The following GRIP1 variants were observed in gnomAD, a reference collection of about 807,000 sequenced individuals.
The protein encoded by GRIP1 is glutamate receptor interacting protein 1, also known as glutamate receptor-interacting protein 1.
A neutral mutation model predicts 129.9 loss-of-function variants in GRIP1; 45 were observed. The observed-to-expected ratio is 0.35, with a 90% CI of 0.27 to 0.44. GRIP1 has a LOEUF of 0.44. Among genes scored for constraint, GRIP1 ranks in the 20% least tolerant of loss-of-function variants. The pLI is 1.00. For missense variants in GRIP1, 1,196 were observed against 1,396.8 expected, an observed-to-expected ratio of 0.86 and a Z score of 2.29; for synonymous variants, 530 against 520.8, an observed-to-expected ratio of 1.02 and a Z score of -0.24.
At chr12:66,897,149 G>A (rs902392345) in intron 1 of GRIP1, among the ~76,000 whole-genome samples, 4 of 152,152 alleles carry the variant, frequency 2.6e-5, no homozygotes, top group Non-Finnish European at 5.9e-5. Context: ...CAGTGTTGTC[G>A]GGAAGATGGC....
At chr12:67,043,695 T>C (rs1688078375) in intron 1 of GRIP1, among the ~76,000 whole-genome samples, 1 of 152,072 alleles carries the variant, frequency 6.6e-6, no homozygotes, top group South Asian at 2.1e-4. Context: ...GCTCTCTCCC[T>C]TATCAGTACT....
At chr12:66,932,601 A>T (rs966509401) in intron 1 of GRIP1, among the ~76,000 whole-genome samples, 5 of 134,546 alleles carry the variant, frequency 3.7e-5, no homozygotes, top group East Asian at 4.0e-4. Context: ...AGGATTATTT[A>T]AAAAAAAAAA....
intron 2 of GRIP1, among the ~76,000 whole-genome samples, chr12:66,551,054 G>C (rs1017111902): frequency 1.3e-5 from 2 of 152,198 alleles, no homozygotes; most frequent in Admixed American, 6.5e-5. Context: ...AAGTAAAACT[G>C]AAGCAATTGG....
chr12:66,995,468 A>G (rs1566110770), intron 1 of GRIP1, among the ~76,000 whole-genome samples: 3 of 152,174 alleles, frequency 2.0e-5, no homozygotes, highest in East Asian at 1.9e-4. Context: ...ACTTATATCT[A>G]GAATGTACAA....
At chr12:66,586,877 T>G (rs890569988) in intron 2 of GRIP1, among the ~76,000 whole-genome samples, 1 of 152,200 alleles carries the variant, frequency 6.6e-6, no homozygotes, top group African/African-American at 2.4e-5. Flanking sequence ...TTTGTCTCCT[T>G]AAAGTCTATT....
At chr12:66,938,941 A>G (rs1253399113) in intron 1 of GRIP1, among the ~76,000 whole-genome samples, 1 of 152,108 alleles carries the variant, frequency 6.6e-6, no homozygotes, top group Non-Finnish European at 1.5e-5. Context: ...TGGGCAATAG[A>G]GCAAGACTGT....
At chr12:67,013,901 C>T (rs552990984) in intron 1 of GRIP1, among the ~76,000 whole-genome samples, 39 of 152,290 alleles carry the variant, frequency 2.6e-4, no homozygotes, top group African/African-American at 8.9e-4. Context: ...CAGGCCTTGG[C>T]GATTGGTTTA....
intron 1 of GRIP1, among the ~76,000 whole-genome samples, chr12:67,033,833 T>G (rs950505436): frequency 2.0e-5 from 3 of 152,216 alleles, no homozygotes; most frequent in African/African-American, 7.2e-5. Context: ...AATTAATATA[T>G]GTAAAAATAT....
intron 1 of GRIP1, among the ~76,000 whole-genome samples, chr12:67,029,927 C>T (rs968304798): frequency 4.6e-5 from 7 of 151,540 alleles, no homozygotes; most frequent in Admixed American, 4.0e-4. Flanking sequence ...CGGCCTGGCG[C>T]GGTGGCTCAC....
At chr12:66,973,321 A>G (rs1013091041) in intron 1 of GRIP1, among the ~76,000 whole-genome samples, 2 of 149,626 alleles carry the variant, frequency 1.3e-5, no homozygotes, top group Admixed American at 1.3e-4. Flanking sequence ...TTTTTCTTTA[A>G]CTTTTTTCTC....
At chr12:66,456,383 C>G (rs991599041) in intron 9 of GRIP1, 41 bp from the exon 10 acceptor site, 2 of 1,188,212 alleles carry the variant, frequency 1.7e-6, no homozygotes, top group Non-Finnish European at 2.2e-6. Context: ...GAAAAACAAA[C>G]GAACAAACAA....
At chr12:66,429,308 C>T (rs1358138892) in intron 14 of GRIP1, among the ~76,000 whole-genome samples, 1 of 152,140 alleles carries the variant, frequency 6.6e-6, no homozygotes, top group Admixed American at 6.5e-5. Flanking sequence ...CCTTGCAGCA[C>T]CTCGGTTTCA....
intron 1 of GRIP1, among the ~76,000 whole-genome samples, chr12:67,016,295 C>T (rs756111699): frequency 5.9e-5 from 9 of 152,088 alleles, no homozygotes; most frequent in African/African-American, 7.2e-5. Context: ...TAAACACACA[C>T]GACAACAGAT....
At chr12:66,609,857 T>C (rs906514508) in intron 1 of GRIP1, among the ~76,000 whole-genome samples, 6 of 152,164 alleles carry the variant, frequency 3.9e-5, no homozygotes, top group Admixed American at 2.6e-4. Flanking sequence ...TCAATTTTAT[T>C]GTTGAATCTG....
At chr12:66,591,905 G>T (rs1405192543) in intron 2 of GRIP1, among the ~76,000 whole-genome samples, 1 of 152,216 alleles carries the variant, frequency 6.6e-6, no homozygotes, top group African/African-American at 2.4e-5. Context: ...GATTATAGGT[G>T]TAAGCCACTG....
At chr12:66,880,599 G>C (rs2040461718) in intron 1 of GRIP1, among the ~76,000 whole-genome samples, 5 of 152,012 alleles carry the variant, frequency 3.3e-5, no homozygotes, top group Admixed American at 3.3e-4. Flanking sequence ...TCAATGGCTA[G>C]TACTAAGAAA....
chr12:66,917,847 T>C (rs951294716), intron 1 of GRIP1, among the ~76,000 whole-genome samples: 2 of 152,112 alleles, frequency 1.3e-5, no homozygotes, highest in Admixed American at 6.6e-5. Flanking sequence ...TTCAAAATGA[T>C]TACACTCCGC....
At chr12:66,948,741 G>A (rs1004546306) in intron 1 of GRIP1, among the ~76,000 whole-genome samples, 10 of 152,108 alleles carry the variant, frequency 6.6e-5, no homozygotes, top group Non-Finnish European at 1.3e-4. Context: ...ATAGGTAAAT[G>A]GAAGAAGAGA....
chr12:66,440,737 C>T (rs2058448993), intron 13 of GRIP1, among the ~76,000 whole-genome samples: 1 of 152,140 alleles, frequency 6.6e-6, no homozygotes, highest in Non-Finnish European at 1.5e-5. Context: ...CTTAACAAAA[C>T]AAAGCCGCAA....
Sources: allele counts gnomAD v4.1 joint callset (sites outside exome capture counted in the v4.1 genomes callset), GRCh38; gene constraint gnomAD v4.1.1; transcripts MANE v1.5; gene names NCBI Gene and HGNC (gene_info 2026-07-23, HGNC 2026-07-21).